The following SYT1 variants were observed in gnomAD, a reference collection of about 807,000 sequenced individuals.
SYT1 encodes the protein synaptotagmin-1.
A neutral mutation model predicts 44.8 loss-of-function variants in SYT1; 8 were observed. The observed-to-expected ratio is 0.18, with a 90% CI of 0.10 to 0.32. The LOEUF is 0.32. Ranked by LOEUF, SYT1 falls within the 10% of genes least tolerant of loss-of-function variation. The pLI, the probability that SYT1 is intolerant of heterozygous loss-of-function variation, is 1.00. For synonymous variants in SYT1, 154 were observed against 188.8 expected (o/e 0.82, Z 1.51); for missense variants, 286 against 509.3 (o/e 0.56, Z 4.22).
intron 4 of SYT1, among the ~76,000 whole-genome samples, chr12:79,243,701 T>C (rs1477946819): frequency 6.6e-6 from 1 of 152,022 alleles, no homozygotes; most frequent in East Asian, 1.9e-4. Context: ...TCCTTAAATG[T>C]ACTAAGTATC....
At chr12:78,937,468 T>A (rs928487308) in intron 1 of SYT1, among the ~76,000 whole-genome samples, 1 of 152,160 alleles carries the variant, frequency 6.6e-6, no homozygotes, top group Non-Finnish European at 1.5e-5. Flanking sequence ...GGATTATCAT[T>A]GAAACACAAT....
At chr12:79,425,579 T>C (rs1869397377) in intron 9 of SYT1, among the ~76,000 whole-genome samples, 1 of 152,170 alleles carries the variant, frequency 6.6e-6, no homozygotes. Flanking sequence ...CTAATATTCT[T>C]AGGCTGGTCT....
At chr12:79,211,509 A>G (rs1206131749) in intron 3 of SYT1, among the ~76,000 whole-genome samples, 1 of 151,730 alleles carries the variant, frequency 6.6e-6, no homozygotes, top group Non-Finnish European at 1.5e-5. Flanking sequence ...TTACATATGT[A>G]TACATGTGCC....
intron 4 of SYT1, among the ~76,000 whole-genome samples, chr12:79,220,982 GA>G (rs770408915): frequency 4.6e-5 from 7 of 152,200 alleles, no homozygotes; most frequent in Non-Finnish European, 1.0e-4. Context: ...TTTCCCTACT[GA>G]TTTCCTGTCT....
chr12:78,942,969 T>C (rs1878460314), intron 1 of SYT1, among the ~76,000 whole-genome samples: 1 of 152,180 alleles, frequency 6.6e-6, no homozygotes, highest in South Asian at 2.1e-4. Context: ...AAATCATCAG[T>C]AAAACTGACC....
chr12:79,339,151 C>A (rs565753020), intron 8 of SYT1, among the ~76,000 whole-genome samples: 1 of 152,212 alleles, frequency 6.6e-6, no homozygotes, highest in East Asian at 1.9e-4. Flanking sequence ...GTCTTTATAG[C>A]AGCATGATTT....
At chr12:79,103,146 T>C (rs1474312835) in intron 3 of SYT1, 2 of 152,210 alleles carry the variant, frequency 1.3e-5, no homozygotes, top group African/African-American at 2.4e-5. Context: ...TAAACACAGA[T>C]AAGTTTTACT....
chr12:79,296,608 G>A (rs1879886999), intron 7 of SYT1, among the ~76,000 whole-genome samples: 1 of 152,216 alleles, frequency 6.6e-6, no homozygotes, highest in Non-Finnish European at 1.5e-5. Context: ...TAAGTAAGCT[G>A]TGTCCCAATG....
At chr12:79,440,926 A>G (rs1870374595) in intron 9 of SYT1, among the ~76,000 whole-genome samples, 1 of 152,208 alleles carries the variant, frequency 6.6e-6, no homozygotes, top group Non-Finnish European at 1.5e-5. Context: ...GATTAGGGAT[A>G]TCGCTAAAGG....
At chr12:79,065,900 G>A (rs527450288) in intron 3 of SYT1, among the ~76,000 whole-genome samples, 2 of 152,064 alleles carry the variant, frequency 1.3e-5, no homozygotes, top group Non-Finnish European at 2.9e-5. Flanking sequence ...AAAAATTACG[G>A]GGGGGAAGGG....
At position 78,912,832 on chromosome 12, in the gene SYT1, C is replaced by T. The variant is rs1592552049; in HGVS notation, c.-217+47723C>T. Among the ~76,000 whole-genome samples, 5 of 152,034 alleles carry T rather than the reference C, an allele frequency of 3.3e-5. No individual in the cohort carries two copies. In the South Asian group the frequency reaches 1.0e-3, roughly 32 times the overall value. Reference sequence around the variant, plus strand: ...CCCTGTAACTCACCTCAAATTATCACTGGGAATACCCACTTAGTAACTAGC... The same window carrying T: ...CCCTGTAACTCACCTCAAATTATCATTGGGAATACCCACTTAGTAACTAGC... On this transcript the variant is annotated intron_variant, in intron 1 of 10. Coordinates refer to ENST00000261205, the MANE Select transcript of SYT1 (RefSeq NM_005639.3).
chr12:79,235,711 A>G (rs1227688154), intron 4 of SYT1, among the ~76,000 whole-genome samples: 1 of 150,964 alleles, frequency 6.6e-6, no homozygotes, highest in East Asian at 1.9e-4. Flanking sequence ...CTTACAATTC[A>G]ATACAAATAT....
rs573257040 is a variant in SYT1 at position 79,092,674 on chromosome 12, G to T, written c.-18+45312G>T. Among the ~76,000 whole-genome samples the T allele has an allele frequency of 2.6e-5, 4 of 151,704 alleles. No individual in the cohort carries two copies. The East Asian group carries it at 5.8e-4, about 22-fold the overall frequency. On this transcript the variant is annotated intron_variant, in intron 3 of 10. Coordinates refer to ENST00000261205, the MANE Select transcript of SYT1 (RefSeq NM_005639.3). ...AGTTCAGTTTTTTCACTGAAGTTCG[G>T]AATTCTTACCCAGTCAAATACTACG...
At chr12:79,125,369 G>T (rs745751791) in intron 3 of SYT1, among the ~76,000 whole-genome samples, 137 of 151,220 alleles carry the variant, frequency 9.1e-4, no homozygotes, top group Non-Finnish European at 1.7e-3. Flanking sequence ...CCAGCAATTT[G>T]AGAGGCCAAG....
chr12:79,104,822 C>A (rs1302565199), intron 3 of SYT1, among the ~76,000 whole-genome samples: 2 of 151,798 alleles, frequency 1.3e-5, no homozygotes, highest in Admixed American at 6.6e-5. Flanking sequence ...GAGAATGGGG[C>A]CTTTTTGTGA....
At chr12:79,166,136 G>T (rs1043052414) in intron 3 of SYT1, among the ~76,000 whole-genome samples, 1 of 151,896 alleles carries the variant, frequency 6.6e-6, no homozygotes, top group African/African-American at 2.4e-5. Context: ...TTTTACCTTT[G>T]TAAGCCATCT....
At chr12:79,350,263 T>TG (rs1356469092) in intron 8 of SYT1, among the ~76,000 whole-genome samples, 12 of 145,670 alleles carry the variant, frequency 8.2e-5, no homozygotes, top group Non-Finnish European at 1.4e-4. Context: ...TTTTTTTTTT[T>TG]TTTTTTTGAG....
intron 4 of SYT1, among the ~76,000 whole-genome samples, chr12:79,278,115 A>C (rs1878837499): frequency 6.6e-6 from 1 of 152,140 alleles, no homozygotes; most frequent in Non-Finnish European, 1.5e-5. Flanking sequence ...CAAGGCAGAA[A>C]GTCAACAAGG....
intron 1 of SYT1, among the ~76,000 whole-genome samples, chr12:78,875,572 A>G (rs1270955994): frequency 1.3e-5 from 2 of 151,592 alleles, no homozygotes; most frequent in African/African-American, 4.8e-5. Flanking sequence ...TTTAGGTATA[A>G]AGACACTGGT....
Sources: allele counts gnomAD v4.1 joint callset (sites outside exome capture counted in the v4.1 genomes callset), GRCh38; gene constraint gnomAD v4.1.1; transcripts MANE v1.5; gene names NCBI Gene and HGNC (gene_info 2026-07-23, HGNC 2026-07-21).